The following TYR variants were observed in gnomAD, a reference collection of about 807,000 sequenced individuals.
The protein encoded by TYR is tyrosinase.
TYR carries 58 observed loss-of-function variants against 51.5 expected under a neutral mutation model. The ratio of observed to expected loss-of-function variants is 1.13; its 90% CI spans 0.91 to 1.40. The LOEUF is 1.40. TYR is among the 40% of genes most tolerant of loss of function. TYR has a pLI of 0.00. For missense variants in TYR, 732 were observed against 647.4 expected (o/e 1.13, Z -1.42); for synonymous variants, 263 against 235.2 (o/e 1.12, Z -1.08).
intron 3 of TYR, among the ~76,000 whole-genome samples, chr11:89,255,474 T>C (rs1185765129): frequency 6.6e-6 from 1 of 151,778 alleles, no homozygotes; most frequent in Non-Finnish European, 1.5e-5. Flanking sequence ...GGTTTGTATT[T>C]AATTGGCAAT....
At chr11:89,229,294 C>T (rs1944012973) in intron 3 of TYR, among the ~76,000 whole-genome samples, 1 of 152,048 alleles carries the variant, frequency 6.6e-6, no homozygotes, top group Non-Finnish European at 1.5e-5. Flanking sequence ...CATGTATGAA[C>T]ACCAAAGTGT....
At chr11:89,198,439 A>G (rs921208398) in intron 2 of TYR, among the ~76,000 whole-genome samples, 2 of 152,088 alleles carry the variant, frequency 1.3e-5, no homozygotes, top group Non-Finnish European at 1.5e-5. Flanking sequence ...AGGTTTTGAA[A>G]GATGATTGCC....
intron 3 of TYR, among the ~76,000 whole-genome samples, chr11:89,245,976 C>T (rs1192089136): frequency 6.6e-6 from 1 of 151,300 alleles, no homozygotes; most frequent in Non-Finnish European, 1.5e-5. Flanking sequence ...GAGGAACAAA[C>T]AGTGGGCCAA....
At chr11:89,248,479 T>A (rs1944293334) in intron 3 of TYR, among the ~76,000 whole-genome samples, 1 of 152,000 alleles carries the variant, frequency 6.6e-6, no homozygotes, top group Non-Finnish European at 1.5e-5. Context: ...ACAAGATTTT[T>A]AGGAAGCAGA....
chr11:89,277,036 C>T (rs188112617), intron 3 of TYR, among the ~76,000 whole-genome samples: 8 of 151,872 alleles, frequency 5.3e-5, no homozygotes, highest in Non-Finnish European at 1.0e-4. Flanking sequence ...ACTATTGTTA[C>T]TTGACATTTC....
intron 4 of TYR, among the ~76,000 whole-genome samples, chr11:89,292,730 A>C (rs2135330592): frequency 6.6e-6 from 1 of 152,268 alleles, no homozygotes; most frequent in East Asian, 1.9e-4. Context: ...TCTACCTGTA[A>C]GGAATGAGTT....
chr11:89,241,144 G>A lies in TYR; in HGVS notation c.1184+13174G>A, dbSNP rs1207232221. Among the ~76,000 whole-genome samples the A allele has an allele frequency of 2.0e-5, 3 of 152,160 alleles. No homozygotes were observed. In the East Asian group the frequency reaches 5.8e-4, roughly 29 times the overall value. On this transcript the variant is annotated intron_variant, in intron 3 of 4. Coordinates refer to ENST00000263321, the MANE Select transcript of TYR (RefSeq NM_000372.5). ...AGCAAAGCTGATGGTGTCTGTAAAT[G>A]CTCTTCAACTTGGATGGTGGGAGAG...
chr11:89,195,553 T>A (rs1259814425), intron 2 of TYR, among the ~76,000 whole-genome samples: 2 of 151,838 alleles, frequency 1.3e-5, no homozygotes, highest in East Asian at 3.9e-4. Context: ...GTGGCACATG[T>A]CTGTAATCCC....
chr11:89,247,200 A>T (rs1271611283), intron 3 of TYR, among the ~76,000 whole-genome samples: 1 of 152,262 alleles, frequency 6.6e-6, no homozygotes, highest in Middle Eastern at 3.4e-3. Context: ...AGACTGATTC[A>T]TGGTTTGTCC....
chr11:89,273,850 C>G (rs749886098), intron 3 of TYR, among the ~76,000 whole-genome samples: 104 of 151,814 alleles, frequency 6.9e-4, no homozygotes, highest in Non-Finnish European at 1.3e-3. Flanking sequence ...AAATGGCCAT[C>G]TTTTTCCTAT....
rs571881104 is a variant in TYR, at chr11:89,195,854, G to C, written c.1036+4436G>C. On this transcript the variant is annotated intron_variant, in intron 2 of 4. Coordinates refer to ENST00000263321, the MANE Select transcript of TYR (RefSeq NM_000372.5). ...TGAAACTCTCTATCCATTATGTCCT[G>C]TATTTCAGAGTTTACAAGAGATTTT... Among the ~76,000 whole-genome samples the C allele has an allele frequency of 4.1e-4, 63 of 151,990 alleles. No homozygotes were observed. The South Asian group carries it at 8.9e-3, about 22-fold the overall frequency.
chr11:89,211,950 G>T (rs12417077), intron 2 of TYR, among the ~76,000 whole-genome samples: 5 of 152,022 alleles, frequency 3.3e-5, no homozygotes, highest in Non-Finnish European at 7.4e-5. Context: ...TTAAAGCAGC[G>T]TGTCGGGAGA....
intron 2 of TYR, among the ~76,000 whole-genome samples, chr11:89,208,162 C>T (rs1053357760): frequency 7.2e-5 from 11 of 151,968 alleles, no homozygotes; most frequent in Non-Finnish European, 1.2e-4. Flanking sequence ...ACTAGCTACT[C>T]GGGAGGCTGA....
intron 2 of TYR, among the ~76,000 whole-genome samples, chr11:89,217,380 C>T (rs1943845060): frequency 6.6e-6 from 1 of 152,134 alleles, no homozygotes; most frequent in South Asian, 2.1e-4. Flanking sequence ...AATGACCTTC[C>T]CTATGGCTAT....
chr11:89,220,607 G>T (rs553199932), intron 2 of TYR, among the ~76,000 whole-genome samples: 9 of 152,110 alleles, frequency 5.9e-5, no homozygotes, highest in African/African-American at 2.2e-4. Flanking sequence ...TTACTACGAA[G>T]ATAGCCGGGC....
intron 1 of TYR, among the ~76,000 whole-genome samples, chr11:89,179,529 A>T (rs2135243316): frequency 6.6e-6 from 1 of 151,520 alleles, no homozygotes; most frequent in East Asian, 1.9e-4. Context: ...TAACTTGTAT[A>T]AGATCATACA....
At chr11:89,208,277 GA>G (rs1171275460) in intron 2 of TYR, among the ~76,000 whole-genome samples, 2 of 151,792 alleles carry the variant, frequency 1.3e-5, no homozygotes, top group East Asian at 1.9e-4. Context: ...CTCAAGAAAA[GA>G]AAAAAAGTTT....
At chr11:89,191,546 C>A in intron 2 of TYR, 128 bp downstream of exon 2, 1 of 862,132 alleles carries the variant, frequency 1.2e-6, no homozygotes, top group Non-Finnish European at 1.8e-6. Flanking sequence ...GTTGTATATA[C>A]TTATATCGAC....
chr11:89,294,600 A>G (rs1184691663), intron 4 of TYR, among the ~76,000 whole-genome samples: 1 of 152,220 alleles, frequency 6.6e-6, no homozygotes, highest in African/African-American at 2.4e-5. Context: ...CTTAGGACAG[A>G]GGGACGGTGC....
Sources: gnomAD v4.1 joint callset for allele counts (sites outside exome capture counted in the v4.1 genomes callset) on GRCh38, gnomAD v4.1.1 for gene constraint, MANE v1.5 for transcripts, NCBI Gene and HGNC (gene_info 2026-07-23, HGNC 2026-07-21) for gene names.